Variants in FBN2 observed in about 807,000 individuals in gnomAD.
FBN2 encodes the protein fibrillin 2.
Under a neutral mutation model 355.6 loss-of-function variants are expected in FBN2, and 105 were observed. That is an observed-to-expected ratio of 0.30 (90% confidence interval 0.25 to 0.35). FBN2 has a LOEUF of 0.35. Ranked by LOEUF, FBN2 falls within the 10% of genes least tolerant of loss-of-function variation. FBN2 has a pLI of 1.00. For missense variants in FBN2, 3,280 were observed against 3,758.7 expected, an observed-to-expected ratio of 0.87 and a Z score of 3.33; for synonymous variants, 1,350 against 1,301.2, an observed-to-expected ratio of 1.04 and a Z score of -0.81.
intron 26 of FBN2, 107 bp downstream of exon 26, chr5:128,338,826 T>G: frequency 8.1e-7 from 1 of 1,231,558 alleles, no homozygotes; most frequent in South Asian, 1.2e-5. Context: ...CCACAGATGC[T>G]GGCCACACAT....
intron 25 of FBN2, among the ~76,000 whole-genome samples, chr5:128,340,031 C>T (rs1450371908): frequency 6.6e-6 from 1 of 152,162 alleles, no homozygotes; most frequent in Non-Finnish European, 1.5e-5. Flanking sequence ...AAATAATCTT[C>T]AGCAACTATA....
chr5:128,471,622 T>C (rs1349749787), intron 5 of FBN2, among the ~76,000 whole-genome samples: 1 of 152,130 alleles, frequency 6.6e-6, no homozygotes, highest in Admixed American at 6.5e-5. Context: ...ATTTGGCCTA[T>C]TCCATGAAAC....
chr5:128,331,615 T>C (rs6862445), intron 32 of FBN2, among the ~76,000 whole-genome samples: 1,540 of 152,228 alleles, frequency 0.01, 26 homozygotes, highest in African/African-American at 0.035. Flanking sequence ...GAGAATGGAT[T>C]GCAGGAGGGC....
At chr5:128,463,184 A>C (rs1421657685) in intron 6 of FBN2, among the ~76,000 whole-genome samples, 1 of 152,098 alleles carries the variant, frequency 6.6e-6, no homozygotes, top group Non-Finnish European at 1.5e-5. Context: ...GTATACTAAG[A>C]TGTAGTAAAG....
chr5:128,308,828 C>T (rs919830385), intron 41 of FBN2, among the ~76,000 whole-genome samples: 24 of 152,078 alleles, frequency 1.6e-4, no homozygotes, highest in African/African-American at 5.8e-4. Context: ...TGCATATTTT[C>T]CACGGCTGAA....
chr5:128,269,056 TCA>T (rs1386201246), intron 62 of FBN2, among the ~76,000 whole-genome samples: 1 of 151,990 alleles, frequency 6.6e-6, no homozygotes, highest in Admixed American at 6.6e-5. Context: ...TAAAGGGTAT[TCA>T]AATAGGAAGA....
chr5:128,270,134 C>A (rs1765231481), intron 62 of FBN2, among the ~76,000 whole-genome samples: 1 of 152,178 alleles, frequency 6.6e-6, no homozygotes, highest in Admixed American at 6.5e-5. Context: ...GGAAAGCTGG[C>A]TAGCCATGTG....
chr5:128,338,001 A>G lies in FBN2; in HGVS notation c.3594T>C (p.Cys1198=). ...GHELSPSRED[C]VDINECSLSD... Reference sequence around the variant, plus strand: ...GTGCTGAGGAGATAAACTCACCCACACAGTCCTCACGGGATGGTGACAGCT... The same window carrying G: ...GTGCTGAGGAGATAAACTCACCCACGCAGTCCTCACGGGATGGTGACAGCT... The change falls in exon 27 of 65, where the codon TGT becomes TGC. Residue 1198 remains cysteine (C), a synonymous_variant. Coordinates refer to ENST00000262464, the MANE Select transcript of FBN2 (RefSeq NM_001999.4). The G allele has an allele frequency of 6.2e-7, 1 of 1,614,128 alleles. No homozygotes were observed. The highest frequency in any genetic ancestry group is 8.5e-7 in the Non-Finnish European group (1 of 1,179,988).
chr5:128,503,794 T>G (rs1169149201), intron 5 of FBN2, among the ~76,000 whole-genome samples: 1 of 152,130 alleles, frequency 6.6e-6, no homozygotes, highest in Admixed American at 6.5e-5. Flanking sequence ...GCTGTAGAAA[T>G]TTGCCCAAGT....
chr5:128,482,379 T>G (rs910393794), intron 5 of FBN2, among the ~76,000 whole-genome samples: 5 of 152,114 alleles, frequency 3.3e-5, no homozygotes, highest in African/African-American at 1.2e-4. Flanking sequence ...TTCCCCTCAC[T>G]CTCACCTATT....
intron 19 of FBN2, among the ~76,000 whole-genome samples, chr5:128,358,959 A>G (rs1272158200): frequency 6.6e-6 from 1 of 152,038 alleles, no homozygotes; most frequent in Non-Finnish European, 1.5e-5. Flanking sequence ...TATGTTATAA[A>G]TGTCATGGAA....
Position 128,527,921 on chromosome 5 carries a change from A to G in FBN2, c.483T>C (p.Asp161=). 6.2e-7 allele frequency: 1 copy of G among 1,612,872 alleles called. No individual in the cohort carries two copies. Among genetic ancestry groups the G allele is most frequent in the Non-Finnish European group, 8.5e-7 (1 of 1,179,120 alleles). ...ATCCTTTCTGGCACTGGCAGTGGTC[A>G]TCTGCACAGGTCCCACCATTCATGC... ...VRCMNGGTCA[D]DHCQCQKGYI... Residue 161 remains aspartate (D), a synonymous_variant, in exon 4 of 65, where the codon GAT becomes GAC. Coordinates refer to ENST00000262464, the MANE Select transcript of FBN2 (RefSeq NM_001999.4).
At chr5:128,528,917 A>C in intron 3 of FBN2, among the ~76,000 whole-genome samples, 1 of 152,330 alleles carries the variant, frequency 6.6e-6, no homozygotes, top group South Asian at 2.1e-4. Context: ...GGAAAAGATA[A>C]ATCTGAGATA....
chr5:128,486,130 T>G (rs1176083177), intron 5 of FBN2, among the ~76,000 whole-genome samples: 2 of 151,882 alleles, frequency 1.3e-5, no homozygotes, highest in Non-Finnish European at 2.9e-5. Flanking sequence ...CCCTATAGTT[T>G]TTTACCCTGC....
chr5:128,437,740 G>C (rs190418609), intron 7 of FBN2, among the ~76,000 whole-genome samples: 1 of 152,010 alleles, frequency 6.6e-6, no homozygotes, highest in African/African-American at 2.4e-5. Context: ...GAGTAGTCTA[G>C]ATAGATAAAT....
intron 52 of FBN2, among the ~76,000 whole-genome samples, 171 bp downstream of exon 52, chr5:128,288,956 A>G (rs1192324050): frequency 1.3e-5 from 2 of 152,240 alleles, no homozygotes; most frequent in African/African-American, 2.4e-5. Context: ...CCATCTTCAC[A>G]TAAATCAGGT....
rs577055851 is a variant in FBN2, at chr5:128,475,851, C to G, written c.629-10930G>C. ...ACAGTGAAATAGCATTCACAGGCTA[C>G]ACTTCTGAGAAAGGATTCTTGAAAC... is the stretch of plus-strand genomic sequence containing the variant. On this transcript the variant is annotated intron_variant, in intron 5 of 64. Transcript: ENST00000262464. 7.2e-5 allele frequency among the ~76,000 whole-genome samples: 11 copies of G among 152,276 alleles called. No homozygotes were observed. The South Asian group carries it at 2.1e-3, about 29-fold the overall frequency.
intron 34 of FBN2, among the ~76,000 whole-genome samples, chr5:128,322,271 A>G (rs28800517): frequency 0.079 from 11,969 of 152,194 alleles, 617 homozygotes; most frequent in Non-Finnish European, 0.11. Context: ...TTTGCTGTGC[A>G]CAAGCTCTTT....
chr5:128,518,753 A>C (rs956055182), intron 5 of FBN2, among the ~76,000 whole-genome samples: 8 of 152,208 alleles, frequency 5.3e-5, no homozygotes, highest in African/African-American at 1.7e-4. Flanking sequence ...GGCTAGGACA[A>C]AAAGTGAAAC....
Sources: gnomAD v4.1 joint callset for allele counts (sites outside exome capture counted in the v4.1 genomes callset) on GRCh38, gnomAD v4.1.1 for gene constraint, MANE v1.5 for transcripts, NCBI Gene and HGNC (gene_info 2026-07-23, HGNC 2026-07-21) for gene names.